LAMA2: variants seen among roughly 807,000 people sequenced by gnomAD.
LAMA2 encodes laminin subunit alpha-2.
A neutral mutation model predicts 364.8 loss-of-function variants in LAMA2; 269 were observed. The observed-to-expected ratio is 0.74, with a 90% confidence interval of 0.67 to 0.82. The LOEUF (loss-of-function observed/expected upper bound fraction) is 0.82. Among genes scored for constraint, LAMA2 ranks in the 40% least tolerant of loss-of-function variants. The pLI, the probability that LAMA2 is intolerant of heterozygous loss-of-function variation, is 0.00. For synonymous variants in LAMA2, 1,379 were observed against 1,370.6 expected (o/e 1.01, Z -0.14); for missense variants, 3,807 against 3,873.2 (o/e 0.98, Z 0.45).
intron 29 of LAMA2, among the ~76,000 whole-genome samples, chr6:129,333,047 C>A (rs1473207243): frequency 2.6e-5 from 4 of 151,770 alleles, no homozygotes; most frequent in Admixed American, 2.6e-4. Flanking sequence ...CACCTGCCAC[C>A]ATAACTGGCT....
At chr6:129,065,616 A>G (rs1789244567) in intron 3 of LAMA2, among the ~76,000 whole-genome samples, 1 of 152,190 alleles carries the variant, frequency 6.6e-6, no homozygotes, top group African/African-American at 2.4e-5. Flanking sequence ...CTAACGAGGA[A>G]CTATCTTTAA....
intron 17 of LAMA2, among the ~76,000 whole-genome samples, chr6:129,276,110 C>A (rs566905338): frequency 5.3e-5 from 8 of 152,076 alleles, no homozygotes; most frequent in Non-Finnish European, 1.2e-4. Flanking sequence ...TGAATTTTTT[C>A]TTTTTCTCCT....
intron 9 of LAMA2, among the ~76,000 whole-genome samples, chr6:129,173,114 T>A (rs1254059914): frequency 2.0e-5 from 3 of 152,216 alleles, no homozygotes; most frequent in Non-Finnish European, 2.9e-5. Flanking sequence ...CAGATGGAAA[T>A]GCAGAAATCA....
chr6:129,232,770 G>A (rs779057491), intron 12 of LAMA2, among the ~76,000 whole-genome samples: 4 of 152,142 alleles, frequency 2.6e-5, no homozygotes, highest in Non-Finnish European at 4.4e-5. Flanking sequence ...AAGGTGGGAA[G>A]ATGATCCTGC....
chr6:129,422,725 TTCA>T (rs1781136639), intron 40 of LAMA2, among the ~76,000 whole-genome samples: 1 of 152,094 alleles, frequency 6.6e-6, no homozygotes. Context: ...CACACACAAA[TTCA>T]GTTCCAGATG....
intron 3 of LAMA2, among the ~76,000 whole-genome samples, chr6:129,060,941 A>C (rs1414709389): frequency 6.6e-6 from 1 of 152,162 alleles, no homozygotes; most frequent in African/African-American, 2.4e-5. Context: ...TCAGTGCTGC[A>C]GCTTATATCA....
chr6:129,187,439 A>G (rs375907558), intron 10 of LAMA2, among the ~76,000 whole-genome samples: 14 of 151,920 alleles, frequency 9.2e-5, no homozygotes, highest in South Asian at 4.1e-4. Context: ...CTTTATGCCA[A>G]TGTCTCACAT....
intron 40 of LAMA2, among the ~76,000 whole-genome samples, chr6:129,408,166 C>T (rs1266842029): frequency 1.3e-5 from 2 of 152,122 alleles, no homozygotes; most frequent in African/African-American, 4.8e-5. Flanking sequence ...GCCACTTCCG[C>T]TTCCACCCCT....
At chr6:129,272,588 T>A (rs977480206) in intron 17 of LAMA2, among the ~76,000 whole-genome samples, 13 of 152,296 alleles carry the variant, frequency 8.5e-5, no homozygotes, top group African/African-American at 3.1e-4. Flanking sequence ...GCATTTTAAG[T>A]GATAACACTA....
rs113084072 is a variant in LAMA2 at position 129,297,334 on chromosome 6, A to C, written c.2857-351A>C. Among the ~76,000 whole-genome samples the C allele has an allele frequency of 4.9e-3, 740 of 152,260 alleles. 13 individuals are homozygous for C. Among genetic ancestry groups the C allele is most frequent in the African/African-American group, 0.016 (682 of 41,556 alleles). On this transcript the variant is annotated intron_variant, in intron 20 of 64. Transcript: ENST00000421865. ...TCAATTCAGATTACTAAAAATGAAG[A>C]AGTAAAATTTTAAATTAAGACTAGA...
At chr6:129,026,292 A>G (rs1785812025) in intron 1 of LAMA2, among the ~76,000 whole-genome samples, 1 of 152,338 alleles carries the variant, frequency 6.6e-6, no homozygotes, top group East Asian at 1.9e-4. Context: ...CTAAATTTGT[A>G]GAATATTGAT....
At chr6:129,156,506 A>G (rs1779122790) in intron 8 of LAMA2, among the ~76,000 whole-genome samples, 1 of 151,226 alleles carries the variant, frequency 6.6e-6, no homozygotes, top group African/African-American at 2.4e-5. Context: ...TTTATGCCCT[A>G]TAGCCATCCT....
intron 4 of LAMA2, among the ~76,000 whole-genome samples, chr6:129,141,603 GCAGT>G (rs1778127249): frequency 6.6e-6 from 1 of 151,994 alleles, no homozygotes; most frequent in African/African-American, 2.4e-5. Context: ...TAGTTTATTG[GCAGT>G]CAGTTTGTAA....
chr6:129,465,762 A>T (rs1009911554), intron 51 of LAMA2, among the ~76,000 whole-genome samples: 18 of 151,920 alleles, frequency 1.2e-4, no homozygotes, highest in African/African-American at 4.1e-4. Context: ...TGATTCGGGG[A>T]CATTTTAAAA....
chr6:129,173,143 A>ACG (rs1344638963), intron 9 of LAMA2, among the ~76,000 whole-genome samples: 4 of 152,072 alleles, frequency 2.6e-5, no homozygotes, highest in African/African-American at 9.7e-5. Context: ...TGCGTCGCTC[A>ACG]CGCTGGGAGC....
At chr6:129,326,344 T>A (rs564428653) in intron 28 of LAMA2, among the ~76,000 whole-genome samples, 1 of 152,192 alleles carries the variant, frequency 6.6e-6, no homozygotes, top group African/African-American at 2.4e-5. Flanking sequence ...GTCTATTGTG[T>A]CAGGCTGCCT....
intron 12 of LAMA2, among the ~76,000 whole-genome samples, chr6:129,202,227 C>T (rs1441934764): frequency 1.4e-5 from 2 of 144,582 alleles, no homozygotes; most frequent in African/African-American, 5.1e-5. Flanking sequence ...AAAGAAAACA[C>T]AACAGGTGCA....
At chr6:129,174,910 G>A (rs1446837052) in intron 9 of LAMA2, among the ~76,000 whole-genome samples, 2 of 152,140 alleles carry the variant, frequency 1.3e-5, no homozygotes, top group East Asian at 3.9e-4. Flanking sequence ...AACAGGAGGG[G>A]TTTTTTGGAC....
chr6:129,362,972 C>A (rs1268564083), intron 32 of LAMA2, among the ~76,000 whole-genome samples: 4 of 152,158 alleles, frequency 2.6e-5, no homozygotes, highest in Admixed American at 1.3e-4. Context: ...TAATTTATCA[C>A]CTGGTCCAGT....
Sources: gnomAD v4.1 joint callset for allele counts (sites outside exome capture counted in the v4.1 genomes callset) on GRCh38, gnomAD v4.1.1 for gene constraint, MANE v1.5 for transcripts, NCBI Gene and HGNC (gene_info 2026-07-23, HGNC 2026-07-21) for gene names.